PPM1B: variants seen among roughly 807,000 people sequenced by gnomAD.
PPM1B encodes the protein protein phosphatase 1B.
PPM1B carries 22 observed loss-of-function variants against 43.0 expected under a neutral mutation model. The ratio of observed to expected loss-of-function variants is 0.51; its 90% CI spans 0.37 to 0.73. The LOEUF (loss-of-function observed/expected upper bound fraction) is 0.73, where lower values mean the gene tolerates loss of function less well. PPM1B is among the 30% of genes least tolerant of loss of function. PPM1B has a pLI of 0.00. For missense variants in PPM1B, 632 were observed against 584.2 expected (o/e 1.08, Z -0.84); for synonymous variants, 217 against 197.9 (o/e 1.10, Z -0.81).
chr2:44,229,167 A>G (rs1352157927), intron 5 of PPM1B, among the ~76,000 whole-genome samples: 3 of 150,884 alleles, frequency 2.0e-5, no homozygotes, highest in East Asian at 3.9e-4. Flanking sequence ...GGGCAACAAG[A>G]GTGAAACTCC....
intron 1 of PPM1B, among the ~76,000 whole-genome samples, chr2:44,186,655 G>A (rs990294395): frequency 2.0e-5 from 3 of 152,340 alleles, no homozygotes; most frequent in African/African-American, 4.8e-5. Context: ...GATTATTGGC[G>A]TGAGCCATTG....
At chr2:44,213,338 A>T (rs1231592575) in intron 3 of PPM1B, among the ~76,000 whole-genome samples, 30 of 147,654 alleles carry the variant, frequency 2.0e-4, no homozygotes, top group Non-Finnish European at 3.1e-4. Context: ...TTATGTTTTG[A>T]TTCTTTTTTT....
In PPM1B at chr2:44,226,405, A is replaced by G. The variant is rs562307734; in HGVS notation, c.1135-4008A>G. On this transcript the variant is annotated intron_variant, in intron 5 of 5. Transcript: ENST00000282412. Reference sequence around the variant, plus strand: ...GGTACTTTATCTGTTGAACTTGCCAAAATTGACCCAAATACGACAAATGGA... The same window carrying G: ...GGTACTTTATCTGTTGAACTTGCCAGAATTGACCCAAATACGACAAATGGA... Among the ~76,000 whole-genome samples, 7 of 152,246 alleles carry G rather than the reference A, an allele frequency of 4.6e-5. No homozygotes were observed. In the South Asian group the frequency reaches 1.0e-3, roughly 23 times the overall value.
At chr2:44,197,197 T>A (rs955913281) in intron 1 of PPM1B, among the ~76,000 whole-genome samples, 1 of 152,110 alleles carries the variant, frequency 6.6e-6, no homozygotes, top group African/African-American at 2.4e-5. Flanking sequence ...CAGGGCTCAC[T>A]GCAGCCTCAA....
intron 1 of PPM1B, among the ~76,000 whole-genome samples, chr2:44,191,305 C>T (rs1216817280): frequency 1.3e-5 from 2 of 152,068 alleles, no homozygotes; most frequent in Non-Finnish European, 2.9e-5. Flanking sequence ...CCTCTGCATC[C>T]CAGGTTCAAG....
chr2:44,225,932 A>G (rs946506281), intron 5 of PPM1B, among the ~76,000 whole-genome samples: 1 of 151,176 alleles, frequency 6.6e-6, no homozygotes, highest in South Asian at 2.1e-4. Context: ...CTGGGATTAC[A>G]GGCATGAGCC....
chr2:44,232,665 T>C (rs139075130), downstream of PPM1B: 680 of 1,133,834 alleles, frequency 6.0e-4, 4 homozygotes, highest in African/African-American at 0.01. Flanking sequence ...ATGGGAAATA[T>C]AGTTAGCTAT....
chr2:44,230,500 C>G lies in PPM1B; in HGVS notation c.1222C>G (p.Arg408Gly), dbSNP rs772994542. 7 of 1,614,008 alleles carry G rather than the reference C, an allele frequency of 4.3e-6. No homozygotes were observed. Among genetic ancestry groups the G allele is most frequent in the East Asian group, 2.2e-5 (1 of 44,868 alleles). The change falls in exon 6 of 6, where the codon CGA becomes GGA. Residue 408 changes from arginine (R) to glycine (G), a missense_variant. By Grantham distance (125) the Arg-to-Gly change is moderately radical. Around this residue, in one of 3 missense-constraint regions of PPM1B, gnomAD observed 392 missense variants for 302.7 expected, o/e 1.29. Coordinates refer to ENST00000282412, the MANE Select transcript of PPM1B (RefSeq NM_002706.6). ...GAGAATTAATCATAGGGGAAACTAC[C>G]GACAACTTCTGGAGGAGATGCTGAC... ...QMRINHRGNY[R>G]QLLEEMLTSY...
chr2:44,218,671 G>A (rs1446582903), intron 5 of PPM1B, 134 bp downstream of exon 5: 2 of 657,162 alleles, frequency 3.0e-6, no homozygotes, highest in Non-Finnish European at 5.1e-6. Context: ...TCATTTTAAA[G>A]TGTCAGTTAA....
chr2:44,184,126 A>G (rs142826020), intron 1 of PPM1B, among the ~76,000 whole-genome samples: 4 of 152,344 alleles, frequency 2.6e-5, no homozygotes, highest in South Asian at 2.1e-4. Flanking sequence ...TGTAGTGATT[A>G]TAATAGTACC....
downstream of PPM1B, among the ~76,000 whole-genome samples, chr2:44,245,951 A>C (rs1283960760): frequency 1.3e-5 from 2 of 152,142 alleles, no homozygotes; most frequent in Non-Finnish European, 2.9e-5. Flanking sequence ...TATCTGTTTA[A>C]ATTAGATTCT....
chr2:44,215,808 T>A (rs1044130974), intron 3 of PPM1B, among the ~76,000 whole-genome samples: 14 of 152,180 alleles, frequency 9.2e-5, no homozygotes, highest in African/African-American at 1.4e-4. Context: ...TATTTTTTTT[T>A]AATAGAGAAA....
At chr2:44,245,284 A>G (rs1473144450), downstream of PPM1B, among the ~76,000 whole-genome samples, 3 of 151,508 alleles carry the variant, frequency 2.0e-5, no homozygotes, top group South Asian at 2.1e-4. Context: ...ATCTCTAACT[A>G]TATAGTTATA....
intron 5 of PPM1B, chr2:44,218,751 T>G (rs887903906): frequency 4.1e-6 from 2 of 483,318 alleles, no homozygotes; most frequent in Admixed American, 3.9e-5. Context: ...TGTTGTCACT[T>G]TCTGGGCATC....
chr2:44,235,086 C>A (rs1670574064), downstream of PPM1B, among the ~76,000 whole-genome samples: 1 of 152,130 alleles, frequency 6.6e-6, no homozygotes, highest in Middle Eastern at 3.2e-3. Context: ...AACTTGACAA[C>A]TGATAGTTTC....
At chr2:44,174,711 T>C (rs566517078) in intron 1 of PPM1B, among the ~76,000 whole-genome samples, 1 of 152,218 alleles carries the variant, frequency 6.6e-6, no homozygotes, top group African/African-American at 2.4e-5. Context: ...AGCCTGAGAG[T>C]AATGTCAACT....
At chr2:44,236,046 A>T (rs1219573379), downstream of PPM1B, among the ~76,000 whole-genome samples, 1 of 152,070 alleles carries the variant, frequency 6.6e-6, no homozygotes, top group Non-Finnish European at 1.5e-5. Context: ...CAAGAGTCAT[A>T]ATTTCTTAAT....
chr2:44,245,241 A>G (rs1305917933), downstream of PPM1B, among the ~76,000 whole-genome samples: 2 of 152,180 alleles, frequency 1.3e-5, no homozygotes, highest in African/African-American at 4.8e-5. Context: ...TGTGTGCTTC[A>G]AAGATAGAGT....
chr2:44,205,051 G>C (rs1002533174), intron 2 of PPM1B, among the ~76,000 whole-genome samples: 1 of 152,050 alleles, frequency 6.6e-6, no homozygotes, highest in African/African-American at 2.4e-5. Context: ...GGTGTTTACT[G>C]CCAACTAATT....
Sources: gnomAD v4.1 joint callset for allele counts (sites outside exome capture counted in the v4.1 genomes callset) on GRCh38, gnomAD v4.1.1 for gene constraint, gnomAD v4.1.1 regional missense constraint, MANE v1.5 for transcripts, NCBI Gene and HGNC (gene_info 2026-07-23, HGNC 2026-07-21) for gene names.